LDB2: variants seen among roughly 807,000 people sequenced by gnomAD.
LDB2 encodes LIM domain binding 2.
Under a neutral mutation model 44.3 loss-of-function variants are expected in LDB2, and 12 were observed. The ratio of observed to expected loss-of-function variants is 0.27; its 90% confidence interval spans 0.17 to 0.44. The LOEUF (loss-of-function observed/expected upper bound fraction) is 0.44, where lower values mean the gene tolerates loss of function less well. Among genes scored for constraint, LDB2 ranks in the 20% least tolerant of loss-of-function variants. The pLI, the probability that LDB2 is intolerant of heterozygous loss-of-function variation, is 1.00. For synonymous variants in LDB2, 164 were observed against 174.8 expected (o/e 0.94, Z 0.49); for missense variants, 344 against 473.5 (o/e 0.73, Z 2.54).
chr4:16,584,323 C>G (rs1200708130), intron 5 of LDB2, among the ~76,000 whole-genome samples: 1 of 152,178 alleles, frequency 6.6e-6, no homozygotes, highest in Non-Finnish European at 1.5e-5. Context: ...CTAGCAAAGG[C>G]AAGAAAGATA....
At chr4:16,585,332 G>A (rs1716377280) in intron 5 of LDB2, among the ~76,000 whole-genome samples, 2 of 152,174 alleles carry the variant, frequency 1.3e-5, no homozygotes, top group Non-Finnish European at 2.9e-5. Context: ...TGTTAGGATG[G>A]GCGGGTGGGG....
At chr4:16,764,547 C>T (rs1027586451) in intron 1 of LDB2, among the ~76,000 whole-genome samples, 1 of 151,942 alleles carries the variant, frequency 6.6e-6, no homozygotes, top group African/African-American at 2.4e-5. Flanking sequence ...AAAATCATTC[C>T]CTCCATTTTC....
intron 1 of LDB2, among the ~76,000 whole-genome samples, chr4:16,829,226 C>T (rs978022250): frequency 6.6e-6 from 1 of 152,140 alleles, no homozygotes; most frequent in Non-Finnish European, 1.5e-5. Context: ...CCCAGTCAAT[C>T]GGTGGTGAGA....
chr4:16,821,273 G>T (rs1781911219), intron 1 of LDB2, among the ~76,000 whole-genome samples: 1 of 152,168 alleles, frequency 6.6e-6, no homozygotes, highest in African/African-American at 2.4e-5. Context: ...GAGTTTCAGT[G>T]CAAGTTTTGG....
intron 2 of LDB2, among the ~76,000 whole-genome samples, chr4:16,663,959 C>A (rs768468175): frequency 2.0e-5 from 3 of 152,056 alleles, no homozygotes; most frequent in Non-Finnish European, 4.4e-5. Context: ...CAGACATTCT[C>A]AATTTCCTCC....
At chr4:16,856,490 C>T (rs977496688) in intron 1 of LDB2, among the ~76,000 whole-genome samples, 7 of 152,068 alleles carry the variant, frequency 4.6e-5, no homozygotes, top group East Asian at 1.9e-4. Context: ...ACAAAAACCA[C>T]GCGGTAAATA....
chr4:16,788,612 C>T (rs1775016504), intron 1 of LDB2, among the ~76,000 whole-genome samples: 1 of 152,200 alleles, frequency 6.6e-6, no homozygotes, highest in South Asian at 2.1e-4. Flanking sequence ...CTGCCCTCTG[C>T]AGTGATTCTA....
intron 5 of LDB2, among the ~76,000 whole-genome samples, chr4:16,562,280 G>A (rs1742660401): frequency 1.3e-5 from 2 of 152,034 alleles, no homozygotes; most frequent in Non-Finnish European, 2.9e-5. Context: ...GAGTGAACAG[G>A]CAACCTACAG....
intron 2 of LDB2, among the ~76,000 whole-genome samples, chr4:16,696,614 C>T (rs1214656980): frequency 1.3e-5 from 2 of 152,118 alleles, no homozygotes; most frequent in African/African-American, 4.8e-5. Context: ...AGCAAAGGGC[C>T]TGTACTCTCT....
chr4:16,848,283 T>G (rs1319550456), intron 1 of LDB2, among the ~76,000 whole-genome samples: 2 of 152,234 alleles, frequency 1.3e-5, no homozygotes, highest in African/African-American at 4.8e-5. Context: ...TGTACACAGA[T>G]GAAAAGCTCA....
chr4:16,593,765 C>T (rs1462011603), intron 3 of LDB2, among the ~76,000 whole-genome samples: 1 of 152,098 alleles, frequency 6.6e-6, no homozygotes, highest in African/African-American at 2.4e-5. Context: ...GATACCTGAA[C>T]AAATCACTCA....
Position 16,744,488 on chromosome 4 carries a change from G to C in LDB2, c.235+14670C>G, listed in dbSNP as rs564196659. Among the ~76,000 whole-genome samples, 4 of 141,814 alleles carry C rather than the reference G, an allele frequency of 2.8e-5. No homozygotes were observed. The East Asian group carries it at 8.6e-4, about 30-fold the overall frequency. The allele number at this position is 141,814 out of a possible 152,430, so 93.0% of individuals were successfully genotyped here. A position where few individuals can be genotyped will look rare whatever the true frequency, so the allele number is the denominator to read the frequency against. On this transcript the variant is annotated intron_variant, in intron 2 of 7. Coordinates refer to ENST00000304523, the MANE Select transcript of LDB2 (RefSeq NM_001290.5). The stretch of plus-strand genomic sequence containing the variant: ...CGTGATTTTTTTTTGCTTGTTTTTT[G>C]TTTTGAGACGGAGTCTCACTCTGTT...
intron 2 of LDB2, among the ~76,000 whole-genome samples, chr4:16,723,119 A>G (rs1333845678): frequency 6.6e-6 from 1 of 152,192 alleles, no homozygotes; most frequent in African/African-American, 2.4e-5. Flanking sequence ...AAGGTAAGAC[A>G]CTTCCTAATG....
chr4:16,735,597 A>G lies in LDB2; in HGVS notation c.235+23561T>C, dbSNP rs536880334. 2.0e-5 allele frequency among the ~76,000 whole-genome samples: 3 copies of G among 152,046 alleles called. No individual in the cohort carries two copies. The South Asian group carries it at 6.2e-4, about 32-fold the overall frequency. ...AAAAAAAAACAGCAATTTCTACAGG[A>G]GAGAAACCTGGCAAACACTACCTTA... On this transcript the variant is annotated intron_variant, in intron 2 of 7. Transcript: ENST00000304523.
intron 1 of LDB2, among the ~76,000 whole-genome samples, chr4:16,873,940 T>C (rs555929521): frequency 6.6e-6 from 1 of 152,310 alleles, no homozygotes; most frequent in South Asian, 2.1e-4. Context: ...GCTTCTTCTA[T>C]TTAGCATAAT....
chr4:16,674,268 G>C (rs771130910), intron 2 of LDB2: 1 of 1,289,078 alleles, frequency 7.8e-7, no homozygotes, highest in South Asian at 1.2e-5. Flanking sequence ...ATCTGGTTCC[G>C]AATCCCCGAG....
At chr4:16,586,119 T>C in intron 4 of LDB2, 114 bp from the exon 5 acceptor site, 2 of 777,140 alleles carry the variant, frequency 2.6e-6, no homozygotes, top group Admixed American at 4.2e-5. Flanking sequence ...TGATTTTATT[T>C]GGAGGGCAGG....
intron 2 of LDB2, among the ~76,000 whole-genome samples, chr4:16,617,452 G>A (rs1727651287): frequency 6.6e-6 from 1 of 152,110 alleles, no homozygotes; most frequent in Non-Finnish European, 1.5e-5. Context: ...ACAGTAAGCT[G>A]GATCCTGAAC....
chr4:16,877,961 C>T (rs1197857571), intron 1 of LDB2, among the ~76,000 whole-genome samples: 1 of 138,296 alleles, frequency 7.2e-6, no homozygotes, highest in Non-Finnish European at 1.5e-5. Flanking sequence ...GAAAACAGAG[C>T]CACTAATAAC....
Sources: allele counts gnomAD v4.1 joint callset (sites outside exome capture counted in the v4.1 genomes callset), GRCh38; gene constraint gnomAD v4.1.1; transcripts MANE v1.5; gene names NCBI Gene and HGNC (gene_info 2026-07-23, HGNC 2026-07-21).